Variants in HMGXB4 observed in about 807,000 individuals in gnomAD.
HMGXB4 encodes HMG-box containing 4, also known as HMG domain-containing protein 4.
A neutral mutation model predicts 63.9 loss-of-function variants in HMGXB4; 27 were observed. The observed-to-expected ratio is 0.42, with a 90% confidence interval of 0.31 to 0.58. The LOEUF is 0.58. Ranked by LOEUF, HMGXB4 falls within the 20% of genes least tolerant of loss-of-function variation. HMGXB4 has a pLI of 0.13. For synonymous variants in HMGXB4, 264 were observed against 265.3 expected, an observed-to-expected ratio of 0.99 and a Z score of 0.05; for missense variants, 624 against 700.7, an observed-to-expected ratio of 0.89 and a Z score of 1.24.
intron 5 of HMGXB4, among the ~76,000 whole-genome samples, chr22:35,271,315 G>A (rs995386053): frequency 1.3e-5 from 2 of 152,316 alleles, no homozygotes; most frequent in Middle Eastern, 3.4e-3. Context: ...AACCTACAGT[G>A]AGCAGAGACT....
chr22:35,281,146 A>C (rs1924218372), intron 5 of HMGXB4, among the ~76,000 whole-genome samples: 1 of 152,072 alleles, frequency 6.6e-6, no homozygotes, highest in African/African-American at 2.4e-5. Context: ...CTTTTCCTTC[A>C]TTGCCATTGA....
At chr22:35,263,302 T>G in intron 3 of HMGXB4, 76 bp downstream of exon 3, 15 of 1,070,532 alleles carry the variant, frequency 1.4e-5, no homozygotes, top group East Asian at 2.8e-5. Context: ...TTTTTTTTGT[T>G]TTTTTTTTTT....
chr22:35,270,948 A>T (rs1778370018), intron 5 of HMGXB4, among the ~76,000 whole-genome samples: 1 of 152,136 alleles, frequency 6.6e-6, no homozygotes, highest in African/African-American at 2.4e-5. Context: ...GTTTTGTTTC[A>T]CTGTAAAAAA....
Position 35,288,348 on chromosome 22 carries a change from C to T in HMGXB4, c.1579C>T (p.His527Tyr), listed in dbSNP as rs754674288. The T allele has an allele frequency of 1.4e-4, 226 of 1,612,988 alleles. No homozygotes were observed. The highest frequency in any genetic ancestry group is 1.8e-4 in the Non-Finnish European group (218 of 1,179,404). The change falls in exon 9 of 11, where the codon CAT becomes TAT. Residue 527 changes from histidine to tyrosine, a missense_variant. Physicochemically the swap from His to Tyr is moderately conservative, Grantham distance 83 (BLOSUM62 2). Coordinates refer to ENST00000216106, the MANE Select transcript of HMGXB4 (RefSeq NM_001003681.3). The stretch of plus-strand genomic sequence containing the variant: ...GACAGAGCCCATTGATGTTGCTGCT[C>T]ATCTTCAGCTGTTGGGAGAGTCCCT... ...PETEPIDVAA[H>Y]LQLLGESLSL... is the part of the protein sequence containing the mutation.
chr22:35,249,780 CT>C, the HMGXB4 span: 5 of 98,458 alleles, frequency 5.1e-5, 1 homozygote, highest in African/African-American at 1.3e-4. Context: ...TAAAATGTTA[CT>C]GCTATTTTAG....
chr22:35,292,998 G>T lies in HMGXB4; in HGVS notation c.1645G>T (p.Val549Leu). 1 of 1,614,256 alleles carries T rather than the reference G, an allele frequency of 6.2e-7. No homozygotes were observed. Among genetic ancestry groups the T allele is most frequent in the Non-Finnish European group, 8.5e-7 (1 of 1,180,054 alleles). The change falls in exon 10 of 11, where the codon GTG (valine) becomes TTG (leucine). Residue 549 changes from valine (V) to leucine (L), a missense_variant. By Grantham distance (32) the Val-to-Leu change is conservative (BLOSUM62 1). Around this residue, in one of 2 missense-constraint regions of HMGXB4, gnomAD observed 152 missense variants for 230.1 expected, o/e 0.66. Transcript: ENST00000216106. ...AACCTCCTCTCCTTTTCAGGGTATG[G>T]TGGCTGTGTCTGGCAGTTTGTCAGT... The part of the protein sequence containing the change: ...GHRLQETEGM[V>L]AVSGSLSVLL...
At chr22:35,287,228 T>C (rs891942641) in intron 7 of HMGXB4, 119 bp from the exon 8 acceptor site, 3 of 746,880 alleles carry the variant, frequency 4.0e-6, no homozygotes, top group South Asian at 1.7e-5. Context: ...GCATTAACCC[T>C]CTGTCTGCCC....
At position 35,293,782 on chromosome 22, in the gene HMGXB4, C is replaced by CAT. The variant is rs1322076264; in HGVS notation, c.*141_*142dup. 1.9e-5 allele frequency: 10 copies of CAT among 513,342 alleles called. No individual in the cohort carries two copies. The highest frequency in any genetic ancestry group is 3.6e-4 in the Middle Eastern group (1 of 2,778). 31.8% of individuals were successfully genotyped at this position (513,342 alleles called of 1,614,324 possible). A position where few individuals can be genotyped will look rare whatever the true frequency, so the allele number is the denominator to read the frequency against. ...TTTTATATCTATACATACATATATA[C>CAT]ATATATATATAATGTACAATATATA... On this transcript the variant is annotated 3_prime_UTR_variant, in exon 11 of 11. Transcript: ENST00000216106.
At chr22:35,242,916 A>G in the HMGXB4 span, among the ~76,000 whole-genome samples, 1 of 152,234 alleles carries the variant, frequency 6.6e-6, no homozygotes, top group South Asian at 2.1e-4. Flanking sequence ...TTTCAAGTGT[A>G]TGGAGATTTT....
Position 35,292,983 on chromosome 22 carries a change from C to G in HMGXB4, c.1639-9C>G. The G allele has an allele frequency of 6.2e-7, 1 of 1,614,242 alleles. No individual in the cohort carries two copies. ...TGTGACTCAAGCAACAACCTCCTCT[C>G]CTTTTCAGGGTATGGTGGCTGTGTC... On this transcript the variant is annotated splice_polypyrimidine_tract_variant and intron_variant, in intron 9 of 10. Transcript: ENST00000216106.
chr22:35,288,309 G>T lies in HMGXB4; in HGVS notation c.1540G>T (p.Ala514Ser). 6.2e-7 allele frequency: 1 copy of T among 1,612,398 alleles called. No individual in the cohort carries two copies. The highest frequency in any genetic ancestry group is 1.7e-4 in the Middle Eastern group (1 of 6,058). Reference protein sequence around the residue: ...PTTMLLPASPAKAPETEPIDV... With the variant: ...PTTMLLPASPSKAPETEPIDV... The stretch of plus-strand genomic sequence containing the variant: ...CACCATGCTGTTACCAGCCTCACCA[G>T]CCAAAGCCCCTGAGACAGAGCCCAT... Residue 514 changes from alanine (A) to serine (S), a missense_variant, in exon 9 of 11, where the codon GCC (alanine) becomes TCC (serine). Physicochemically the swap from Ala to Ser is moderately conservative, Grantham distance 99. Transcript: ENST00000216106.
intron 6 of HMGXB4, among the ~76,000 whole-genome samples, chr22:35,284,407 C>T (rs1440162975): frequency 6.6e-6 from 1 of 152,156 alleles, no homozygotes; most frequent in African/African-American, 2.4e-5. Flanking sequence ...AGATGCTCTT[C>T]AACTTATGAT....
At chr22:35,244,038 T>G in the HMGXB4 span, among the ~76,000 whole-genome samples, 646 of 152,340 alleles carry the variant, frequency 4.2e-3, 6 homozygotes, top group African/African-American at 0.014. Flanking sequence ...GGAATGAATT[T>G]CTTTGGGTTT....
rs1267756394 is a variant in HMGXB4 at position 35,263,088 on chromosome 22, T to C, written c.42T>C (p.Asp14=). 6.8e-6 allele frequency: 11 copies of C among 1,613,642 alleles called. No homozygotes were observed. The highest frequency in any genetic ancestry group is 3.3e-5 in the South Asian group (3 of 90,960). Reference sequence around the variant, plus strand: ...ACCTGTGCTTCTCAGATTGTTTTGATGGTGATCATACCTTTGAGGACATAG... The same window carrying C: ...ACCTGTGCTTCTCAGATTGTTTTGACGGTGATCATACCTTTGAGGACATAG... The part of the protein sequence containing the change: ...DDSVKKEDCF[D]GDHTFEDIGL... The change falls in exon 3 of 11, where the codon GAT becomes GAC. Residue 14 remains aspartate (D), a synonymous_variant. Transcript: ENST00000216106.
intron 9 of HMGXB4, 117 bp downstream of exon 9, chr22:35,288,524 C>T: frequency 1.4e-6 from 1 of 698,674 alleles, no homozygotes. Context: ...CTAAATTATG[C>T]CAGGTTCTCA....
intron 5 of HMGXB4, among the ~76,000 whole-genome samples, chr22:35,276,970 A>G (rs1488162395): frequency 6.6e-6 from 1 of 152,218 alleles, no homozygotes; most frequent in Non-Finnish European, 1.5e-5. Flanking sequence ...ATTTTGGAAA[A>G]TGTATAAGGA....
At chr22:35,284,380 G>A (rs1377318484) in intron 6 of HMGXB4, among the ~76,000 whole-genome samples, 1 of 152,160 alleles carries the variant, frequency 6.6e-6, no homozygotes, top group African/African-American at 2.4e-5. Context: ...GAGATATCTT[G>A]TATTATATTG....
At chr22:35,245,868 T>C in the HMGXB4 span, among the ~76,000 whole-genome samples, 1 of 151,444 alleles carries the variant, frequency 6.6e-6, no homozygotes, top group Non-Finnish European at 1.5e-5. Context: ...GAGGCAGGAG[T>C]GCCTTGTTAT....
chr22:35,275,000 G>A (rs945846441), intron 5 of HMGXB4, among the ~76,000 whole-genome samples: 5 of 152,074 alleles, frequency 3.3e-5, no homozygotes, highest in Non-Finnish European at 7.4e-5. Context: ...TTTTACACTG[G>A]CAGGAATGAT....
Sources: allele counts gnomAD v4.1 joint callset (sites outside exome capture counted in the v4.1 genomes callset), GRCh38; gene constraint gnomAD v4.1.1; regional missense constraint gnomAD v4.1.1; transcripts MANE v1.5; gene names NCBI Gene and HGNC (gene_info 2026-07-23, HGNC 2026-07-21).